Variants in SLC51A observed in about 807,000 individuals in gnomAD.
The protein encoded by SLC51A is solute carrier family 51 member A.
In SLC51A, 22 loss-of-function variants were observed where a neutral mutation model predicts 34.8. The observed-to-expected ratio is 0.63, with a 90% CI of 0.45 to 0.90. SLC51A has a LOEUF of 0.90. Ranked by LOEUF, SLC51A falls within the 40% of genes least tolerant of loss-of-function variation. The pLI is 0.00. For synonymous variants in SLC51A, 181 were observed against 176.3 expected (o/e 1.03, Z -0.21); for missense variants, 371 against 414.8 (o/e 0.89, Z 0.92).
At chr3:196,220,318 C>T (rs769689530) in intron 2 of SLC51A, among the ~76,000 whole-genome samples, 2 of 152,146 alleles carry the variant, frequency 1.3e-5, no homozygotes, top group Non-Finnish European at 2.9e-5. Context: ...GGGATGCGGC[C>T]GGACACCGTG....
chr3:196,228,220 C>T lies in SLC51A; in HGVS notation c.468C>T (p.His156=), dbSNP rs1190787406. The change falls in exon 5 of 9, where the codon CAC becomes CAT. Residue 156 remains histidine, a synonymous_variant. Coordinates refer to ENST00000296327, the MANE Select transcript of SLC51A (RefSeq NM_152672.6). This position sits in a 1 kb window ranked among gnomAD's most constrained non-coding sequence, Gnocchi z 4.9. Reference sequence around the variant, plus strand: ...TGAGGGACACCCCGATGATGGTCCACACAGGCCCCTGCTGCTGCTGCTGCC... The same window carrying T: ...TGAGGGACACCCCGATGATGGTCCATACAGGCCCCTGCTGCTGCTGCTGCC... ...RTLRDTPMMV[H]TGPCCCCCPC... is the part of the protein sequence containing the mutation. 3 of 1,613,816 alleles carry T rather than the reference C, an allele frequency of 1.9e-6. No homozygotes were observed. The African/African-American group carries it at 4.0e-5, about 22-fold the overall frequency.
intron 2 of SLC51A, 147 bp downstream of exon 2, chr3:196,218,083 G>A: frequency 2.8e-6 from 2 of 718,500 alleles, no homozygotes; most frequent in South Asian, 1.7e-5. Context: ...TTAAGGCTCT[G>A]GAGAAGGGCA....
rs1311791851 is a variant in SLC51A, at chr3:196,216,761, G to A, written c.38+11G>A. 3 of 1,570,726 alleles carry A rather than the reference G, an allele frequency of 1.9e-6. No homozygotes were observed. The highest frequency in any genetic ancestry group is 1.8e-5 in the Admixed American group (1 of 54,848). On this transcript the variant is annotated intron_variant, in intron 1 of 8. Coordinates refer to ENST00000296327, the MANE Select transcript of SLC51A (RefSeq NM_152672.6). The surrounding 1 kb of genome is among the most constrained non-coding windows in gnomAD (Gnocchi z 4.5). ...AAAGCTTGACCCCAGGTAAGTGAGG[G>A]CGGCGGGCCCTGGGCCAGTCGCTGG... is the stretch of plus-strand genomic sequence containing the variant.
intron 1 of SLC51A, among the ~76,000 whole-genome samples, chr3:196,217,168 A>G (rs1723611523): frequency 6.6e-6 from 1 of 152,206 alleles, no homozygotes; most frequent in African/African-American, 2.4e-5. Flanking sequence ...AGCCAGGCAC[A>G]GCCTGGCTAG....
chr3:196,227,246 G>A (rs1240359864), intron 3 of SLC51A, 127 bp downstream of exon 3: 7 of 989,800 alleles, frequency 7.1e-6, no homozygotes, highest in Non-Finnish European at 8.9e-6. Context: ...GAGGGCCGAG[G>A]TTTGCAGGCC....
chr3:196,232,887 C>G (rs1204471301), intron 8 of SLC51A, 176 bp from the exon 9 acceptor site: 10 of 668,838 alleles, frequency 1.5e-5, no homozygotes, highest in African/African-American at 1.3e-4. Context: ...CAGCCAACTT[C>G]CGGTTCTGGC....
chr3:196,227,913 C>T, intron 4 of SLC51A, 176 bp downstream of exon 4: 1 of 921,494 alleles, frequency 1.1e-6, no homozygotes, highest in Non-Finnish European at 1.6e-6. Flanking sequence ...GCATCTGGCA[C>T]ATTCCTCAGC....
chr3:196,216,791 C>A lies in SLC51A; in HGVS notation c.38+41C>A. ...GGGCCCTGGGCCAGTCGCTGGGCAG[C>A]GGTGGCCCCTATCCCGCGGCCTGTC... On this transcript the variant is annotated intron_variant, in intron 1 of 8. Coordinates refer to ENST00000296327, the MANE Select transcript of SLC51A (RefSeq NM_152672.6). This position sits in a 1 kb window ranked among gnomAD's most constrained non-coding sequence, Gnocchi z 4.5. 2 of 1,547,304 alleles carry A rather than the reference C, an allele frequency of 1.3e-6. No individual in the cohort carries two copies. The highest frequency in any genetic ancestry group is 1.7e-6 in the Non-Finnish European group (2 of 1,143,518).
In SLC51A at chr3:196,228,487, C is replaced by A. The variant is rs1362077878; in HGVS notation, c.521+214C>A. ...ATTGTCATCACTGAACTTCACTGCA[C>A]CCTGCAAGCCTTAGCCACACAGAGA... is the stretch of plus-strand genomic sequence containing the variant. On this transcript the variant is annotated intron_variant, in intron 5 of 8. Transcript: ENST00000296327. This position sits in a 1 kb window ranked among gnomAD's most constrained non-coding sequence, Gnocchi z 4.9. The A allele has an allele frequency of 6.2e-6, 4 of 640,606 alleles. No homozygotes were observed. Among genetic ancestry groups the A allele is most frequent in the Non-Finnish European group, 1.1e-5 (4 of 376,592 alleles). The allele number at this position is 640,606 out of a possible 1,614,324, so 39.7% of individuals were successfully genotyped here.
At position 196,228,933 on chromosome 3, in the gene SLC51A, T is replaced by TAAGG. The variant is rs556076564; in HGVS notation, c.633+14_633+17dup. On this transcript the variant is annotated intron_variant, in intron 6 of 8. Transcript: ENST00000296327. The surrounding 1 kb of genome is among the most constrained non-coding windows in gnomAD (Gnocchi z 4.9). Reference sequence around the variant, plus strand: ...TGACCCAGCAGACGTAAGCCGGGAGTAAGGGACAGCACAGTCCAAGACTCA... The same window carrying TAAGG: ...TGACCCAGCAGACGTAAGCCGGGAGTAAGGAAGGGACAGCACAGTCCAAGACTCA... The TAAGG allele has an allele frequency of 2.9e-4, 459 of 1,588,612 alleles. 2 individuals carry two copies. The South Asian group carries it at 4.6e-3, about 16-fold the overall frequency.
intron 2 of SLC51A, 120 bp downstream of exon 2, chr3:196,218,056 G>T: frequency 2.3e-6 from 2 of 860,026 alleles, no homozygotes; most frequent in Non-Finnish European, 1.9e-6. Context: ...TAACTGGCCC[G>T]GTGTCTGTCA....
In SLC51A at chr3:196,227,753, C is replaced by T. The variant is rs1351079837; in HGVS notation, c.362+16C>T. ...CCATCACCTCGTGAGTGCCCTGCCT[C>T]GCCCCACCTCCAAGGGCCCCTCTGC... On this transcript the variant is annotated intron_variant, in intron 4 of 8. Transcript: ENST00000296327. 18 of 1,605,888 alleles carry T rather than the reference C, an allele frequency of 1.1e-5. No homozygotes were observed. The highest frequency in any genetic ancestry group is 1.7e-5 in the Admixed American group (1 of 58,774).
intron 2 of SLC51A, among the ~76,000 whole-genome samples, chr3:196,220,162 C>A (rs1375192091): frequency 6.6e-6 from 1 of 152,214 alleles, no homozygotes; most frequent in Non-Finnish European, 1.5e-5. Context: ...CGCTGCGCGC[C>A]GGGCTGGCGG....
chr3:196,218,340 G>T (rs1009041282), intron 2 of SLC51A, among the ~76,000 whole-genome samples: 1 of 152,238 alleles, frequency 6.6e-6, no homozygotes, highest in Non-Finnish European at 1.5e-5. Context: ...ACTCTAGAGG[G>T]TGGTTACGGT....
In SLC51A at chr3:196,218,186, A is replaced by G. The variant is rs563066213; in HGVS notation, c.133+250A>G. Among the ~76,000 whole-genome samples, 7 of 152,322 alleles carry G rather than the reference A, an allele frequency of 4.6e-5. No individual in the cohort carries two copies. In the South Asian group the frequency reaches 1.5e-3, roughly 32 times the overall value. On this transcript the variant is annotated intron_variant, in intron 2 of 8. Transcript: ENST00000296327. ...TTGGGCCTCCACAAAACTGGCCTCA[A>G]AGCTCATTCAAACTGCGGACACTGC...
Position 196,228,713 on chromosome 3 carries a change from G to A in SLC51A, c.522-96G>A, listed in dbSNP as rs1723956398. 1 of 1,003,490 alleles carries A rather than the reference G, an allele frequency of 1.0e-6. No homozygotes were observed. The highest frequency in any genetic ancestry group is 1.8e-5 in the Admixed American group (1 of 56,368). 62.2% of individuals were successfully genotyped at this position (1,003,490 alleles called of 1,614,324 possible). On this transcript the variant is annotated intron_variant, in intron 5 of 8. Coordinates refer to ENST00000296327, the MANE Select transcript of SLC51A (RefSeq NM_152672.6). This position sits in a 1 kb window ranked among gnomAD's most constrained non-coding sequence, Gnocchi z 4.9. Reference sequence around the variant, plus strand: ...AACCTGGTTGGTGTTTATGACAGCAGCCGAGCCTCAGCCCAGGAGCCCTGT... The same window carrying A: ...AACCTGGTTGGTGTTTATGACAGCAACCGAGCCTCAGCCCAGGAGCCCTGT...
chr3:196,229,862 A>G, intron 6 of SLC51A, 53 bp from the exon 7 acceptor site: 1 of 1,540,868 alleles, frequency 6.5e-7, no homozygotes, highest in Non-Finnish European at 8.7e-7. Context: ...TGAAAGAGAG[A>G]GAGAGAGAGA....
At chr3:196,227,982 T>C in intron 4 of SLC51A, 133 bp from the exon 5 acceptor site, 2 of 1,244,284 alleles carry the variant, frequency 1.6e-6, no homozygotes, top group Admixed American at 2.2e-5. Context: ...GGCCGTCTCC[T>C]CTCCCTCGCC....
rs1553826333 is a variant in SLC51A, at chr3:196,226,784, A to AAAG, written c.134-179_134-178insGAA. On this transcript the variant is annotated intron_variant, in intron 2 of 8. Coordinates refer to ENST00000296327, the MANE Select transcript of SLC51A (RefSeq NM_152672.6). Reference sequence around the variant, plus strand: ...GTGAGGCTCCGTCTTAAAAAAAAAAAAAAAAGAAAAAGAAAAAAAAAAGAC... The same window carrying AAAG: ...GTGAGGCTCCGTCTTAAAAAAAAAAAAAGAAAAAGAAAAAGAAAAAAAAAAGAC... Among the ~76,000 whole-genome samples, 27 of 150,248 alleles carry AAAG rather than the reference A, an allele frequency of 1.8e-4. No homozygotes were observed. The East Asian group carries it at 3.1e-3, about 17-fold the overall frequency.
Sources: gnomAD v4.1 joint callset for allele counts (sites outside exome capture counted in the v4.1 genomes callset) on GRCh38, gnomAD v4.1.1 for gene constraint, Gnocchi (gnomAD v3.1) non-coding constraint, MANE v1.5 for transcripts, NCBI Gene and HGNC (gene_info 2026-07-23, HGNC 2026-07-21) for gene names.